Variants in CPT1C observed in about 807,000 individuals in gnomAD.
CPT1C encodes the protein carnitine palmitoyltransferase 1C.
Under a neutral mutation model 97.3 loss-of-function variants are expected in CPT1C, and 61 were observed. The ratio of observed to expected loss-of-function variants is 0.63; its 90% CI spans 0.51 to 0.78. CPT1C has a LOEUF of 0.78. CPT1C is among the 30% of genes least tolerant of loss of function. The probability of loss-of-function intolerance (pLI) is 0.00; values close to 1 mark genes in which losing one functional copy is unlikely to be tolerated. For missense variants in CPT1C, 975 were observed against 1,065.5 expected (o/e 0.92, Z 1.18); for synonymous variants, 469 against 447.2 (o/e 1.05, Z -0.61).
rs747051743 is a variant in CPT1C, at chr19:49,710,305, C to T, written c.1567-15C>T. ...CTGTAACCCCAACTACTCCTCTTCC[C>T]TCCTCCTCTGGCAGATCCACTCCTC... On this transcript the variant is annotated splice_polypyrimidine_tract_variant and intron_variant, in intron 14 of 19. Transcript: ENST00000598293. 1 of 1,612,656 alleles carries T rather than the reference C, an allele frequency of 6.2e-7. No individual in the cohort carries two copies. The highest frequency in any genetic ancestry group is 8.5e-7 in the Non-Finnish European group (1 of 1,178,768).
chr19:49,704,684 T>G (rs1467045393), intron 7 of CPT1C, 26 bp from the exon 8 acceptor site: 1 of 1,572,362 alleles, frequency 6.4e-7, no homozygotes, highest in Non-Finnish European at 8.7e-7. Flanking sequence ...AGCCCCTCAC[T>G]GTGTGTCTCC....
chr19:49,707,508 T>C lies in CPT1C; in HGVS notation c.1344-10T>C, dbSNP rs1256392007. The C allele has an allele frequency of 6.2e-7, 1 of 1,610,328 alleles. No individual in the cohort carries two copies. The highest frequency in any genetic ancestry group is 1.3e-5 in the African/African-American group (1 of 74,802). On this transcript the variant is annotated splice_polypyrimidine_tract_variant and intron_variant, in intron 12 of 19. Coordinates refer to ENST00000598293, the MANE Select transcript of CPT1C (RefSeq NM_001199753.2). ...CGCTCTTGGTGACCCATCTGAACTC[T>C]CCCTGACAGCTGGTTTGACAAATCC...
At position 49,712,716 on chromosome 19, in the gene CPT1C, T is replaced by G; in HGVS notation, c.2020-20T>G. 6.3e-7 allele frequency: 1 copy of G among 1,580,800 alleles called. No individual in the cohort carries two copies. The highest frequency in any genetic ancestry group is 8.7e-7 in the Non-Finnish European group (1 of 1,149,726). ...ACTGCAGATCTCTGTCCTGCACATG[T>G]GATGGGCTCCTGTCCTCAGGTCCAT... On this transcript the variant is annotated intron_variant, in intron 17 of 19. Coordinates refer to ENST00000598293, the MANE Select transcript of CPT1C (RefSeq NM_001199753.2).
At chr19:49,693,410 T>C (rs143523863) in intron 3 of CPT1C, among the ~76,000 whole-genome samples, 2 of 152,256 alleles carry the variant, frequency 1.3e-5, no homozygotes, top group African/African-American at 4.8e-5. Flanking sequence ...CAAGCACCTC[T>C]CTTGGAGTCG....
intron 5 of CPT1C, 54 bp downstream of exon 5, chr19:49,700,909 C>A: frequency 1.3e-6 from 2 of 1,577,360 alleles, no homozygotes; most frequent in Non-Finnish European, 1.7e-6. Context: ...CTTATCTATT[C>A]CCCTCTCTCT....
At chr19:49,712,446 A>G in intron 17 of CPT1C, 1 of 432,640 alleles carries the variant, frequency 2.3e-6, no homozygotes, top group Non-Finnish European at 4.2e-6. Flanking sequence ...CAACGGGACA[A>G]CGGGAGCAGA....
upstream of CPT1C, chr19:49,690,828 C>G (rs1002354651): frequency 8.4e-6 from 2 of 238,044 alleles, no homozygotes; most frequent in Non-Finnish European, 8.0e-6. The surrounding 1 kb of genome is among the most constrained non-coding windows in gnomAD (Gnocchi z 4.4). Context: ...CGGCACCCTA[C>G]GCGCCTGACG....
Position 49,703,595 on chromosome 19 carries a change from C to CCCTTCCTTCCTTCCTT in CPT1C, c.694-1105_694-1090dup, listed in dbSNP as rs1217261016. ...TCCCTCCCTCCCTCCCTCCCTCCCT[C>CCCTTCCTTCCTTCCTT]CCTTCCTTCCTTCCTTCCTTCCTTC... On this transcript the variant is annotated intron_variant, in intron 7 of 19. Coordinates refer to ENST00000598293, the MANE Select transcript of CPT1C (RefSeq NM_001199753.2). Among the ~76,000 whole-genome samples the CCCTTCCTTCCTTCCTT allele has an allele frequency of 1.5e-3, 115 of 75,810 alleles. 2 individuals carry two copies. The East Asian group carries it at 0.025, about 17-fold the overall frequency. The allele number at this position is 75,810 out of a possible 152,430, so 49.7% of individuals were successfully genotyped here.
At chr19:49,712,195 T>C in intron 17 of CPT1C, 3 of 494,504 alleles carry the variant, frequency 6.1e-6, no homozygotes, top group Non-Finnish European at 1.1e-5. Context: ...ATACAAAAAT[T>C]AGCTGGGTAT....
At chr19:49,694,644 A>G (rs1032302950) in intron 3 of CPT1C, among the ~76,000 whole-genome samples, 1 of 150,958 alleles carries the variant, frequency 6.6e-6, no homozygotes, top group Admixed American at 6.6e-5. Flanking sequence ...AAAAAAAAAA[A>G]AAGGGGGTGG....
intron 7 of CPT1C, among the ~76,000 whole-genome samples, chr19:49,702,906 A>AG (rs2123354076): frequency 6.6e-6 from 1 of 152,142 alleles, no homozygotes. Flanking sequence ...TGAGAGGGGA[A>AG]GGGAAGAGGG....
intron 7 of CPT1C, among the ~76,000 whole-genome samples, chr19:49,702,187 T>C (rs2083210535): frequency 7.4e-6 from 1 of 135,334 alleles, no homozygotes; most frequent in Admixed American, 8.4e-5. Flanking sequence ...TATTTATATA[T>C]AGGCTTATAT....
intron 13 of CPT1C, 36 bp from the exon 14 acceptor site, chr19:49,708,683 CAGGG>C: frequency 6.8e-7 from 1 of 1,477,074 alleles, no homozygotes; most frequent in Non-Finnish European, 9.5e-7. Context: ...CCTCAGTCCA[CAGGG>C]AGGAAGGGAC....
chr19:49,707,346 GACC>G (rs1370638758), intron 12 of CPT1C, among the ~76,000 whole-genome samples, 169 bp from the exon 13 acceptor site: 12 of 152,074 alleles, frequency 7.9e-5, no homozygotes, highest in Non-Finnish European at 1.8e-4. Flanking sequence ...ATGTCTTGGA[GACC>G]TCCAGGGCCA....
chr19:49,698,611 C>T (rs900260030), intron 4 of CPT1C, among the ~76,000 whole-genome samples: 3 of 150,644 alleles, frequency 2.0e-5, no homozygotes, highest in Non-Finnish European at 2.9e-5. Flanking sequence ...TGCGGTGAGT[C>T]GAAATTGTGC....
intron 1 of CPT1C, 173 bp from the exon 2 acceptor site, chr19:49,691,648 T>C (rs2082356596): frequency 1.3e-5 from 2 of 152,388 alleles, no homozygotes; most frequent in Non-Finnish European, 2.9e-5. Flanking sequence ...CTAAAACTAA[T>C]GCTTTTCTCA....
At chr19:49,694,663 G>A (rs965725459) in intron 3 of CPT1C, among the ~76,000 whole-genome samples, 38 of 150,632 alleles carry the variant, frequency 2.5e-4, no homozygotes, top group Admixed American at 2.4e-3. Flanking sequence ...GGGAGCCGGC[G>A]GCCAGGAGGA....
chr19:49,697,823 G>T, intron 4 of CPT1C: 1 of 191,738 alleles, frequency 5.2e-6, no homozygotes, highest in Non-Finnish European at 1.1e-5. Context: ...TGAGGCACGT[G>T]GATCAACTGA....
In CPT1C at chr19:49,711,900, A is replaced by G. The variant is rs1338525813; in HGVS notation, c.1958A>G (p.His653Arg). ...AAMSGQGVDR[H>R]LFALYIVSRF... ...ATGAGCGGGCAGGGAGTTGACCGCCACCTGTTTGCGCTGTACATCGTGTCC... is the reference window on the plus strand; with the variant it reads ...ATGAGCGGGCAGGGAGTTGACCGCCGCCTGTTTGCGCTGTACATCGTGTCC... The change falls in exon 17 of 20, where the codon CAC becomes CGC. Residue 653 changes from histidine (H) to arginine (R), a missense_variant. By Grantham distance (29) the His-to-Arg change is conservative (BLOSUM62 0). Around this residue, in one of 3 missense-constraint regions of CPT1C, gnomAD observed 344 missense variants for 395.7 expected, o/e 0.87. Transcript: ENST00000598293. The G allele has an allele frequency of 9.3e-6, 15 of 1,614,084 alleles. No individual in the cohort carries two copies. The highest frequency in any genetic ancestry group is 1.2e-5 in the Non-Finnish European group (14 of 1,180,014).
Sources: allele counts gnomAD v4.1 joint callset (sites outside exome capture counted in the v4.1 genomes callset), GRCh38; gene constraint gnomAD v4.1.1; regional missense constraint gnomAD v4.1.1; non-coding constraint Gnocchi (gnomAD v3.1); transcripts MANE v1.5; gene names NCBI Gene and HGNC (gene_info 2026-07-23, HGNC 2026-07-21).